The following SNX2 variants were observed in gnomAD, a reference collection of about 807,000 sequenced individuals.
SNX2 encodes sorting nexin 2.
SNX2 carries 25 observed loss-of-function variants against 69.9 expected under a neutral mutation model. That is an observed-to-expected ratio of 0.36 (90% CI 0.26 to 0.50). The LOEUF (loss-of-function observed/expected upper bound fraction) is 0.50. Ranked by LOEUF, SNX2 falls within the 20% of genes least tolerant of loss-of-function variation. The pLI is 0.97. For synonymous variants in SNX2, 229 were observed against 200.4 expected (o/e 1.14, Z -1.20); for missense variants, 551 against 613.3 (o/e 0.90, Z 1.07).
chr5:122,803,465 C>G lies in SNX2; in HGVS notation c.502-7C>G. 1 of 1,603,100 alleles carries G rather than the reference C, an allele frequency of 6.2e-7. No individual in the cohort carries two copies. Among genetic ancestry groups the G allele is most frequent in the African/African-American group, 1.3e-5 (1 of 74,484 alleles). ...CAAAATTTGAAACACCTCTTCTTCA[C>G]TTGTAGACATCTCTTTCCATGTTCA... On this transcript the variant is annotated splice_region_variant and splice_polypyrimidine_tract_variant and intron_variant, in intron 5 of 14. Coordinates refer to ENST00000379516, the MANE Select transcript of SNX2 (RefSeq NM_003100.4).
chr5:122,832,249 T>G lies in SNX2; in HGVS notation c.*2601T>G, dbSNP rs1035021503. 5.3e-5 allele frequency: 8 copies of G among 152,220 alleles called. No individual in the cohort carries two copies. The highest frequency in any genetic ancestry group is 1.0e-4 in the Non-Finnish European group (7 of 68,032). The allele number at this position is 152,220 out of a possible 1,614,324, so 9.4% of individuals were successfully genotyped here. A position where few individuals can be genotyped will look rare whatever the true frequency, so the allele number is the denominator to read the frequency against. The stretch of plus-strand genomic sequence containing the variant: ...TTAGTATGACTTTGGGCATATCACT[T>G]AAATCTCTTATCTATAAAACAAGTA... On this transcript the variant is annotated 3_prime_UTR_variant, in exon 15 of 15. Transcript: ENST00000379516.
intron 12 of SNX2, among the ~76,000 whole-genome samples, chr5:122,826,816 G>T (rs949351454): frequency 1.6e-4 from 24 of 151,826 alleles, no homozygotes; most frequent in Non-Finnish European, 3.5e-4. Context: ...TTTCTGTACT[G>T]AATTTAATAT....
intron 1 of SNX2, among the ~76,000 whole-genome samples, chr5:122,776,918 G>A (rs1263621043): frequency 6.6e-6 from 1 of 152,086 alleles, no homozygotes; most frequent in Non-Finnish European, 1.5e-5. Context: ...CTTGGTTAAC[G>A]CACTGTAAAA....
chr5:122,792,723 A>G (rs1482602015), intron 1 of SNX2, among the ~76,000 whole-genome samples: 2 of 152,308 alleles, frequency 1.3e-5, no homozygotes, highest in East Asian at 3.9e-4. Flanking sequence ...AGATTGGGAG[A>G]CTGAATTATT....
At chr5:122,826,364 A>G (rs1210089125) in intron 12 of SNX2, among the ~76,000 whole-genome samples, 171 bp downstream of exon 12, 1 of 152,062 alleles carries the variant, frequency 6.6e-6, no homozygotes, top group Non-Finnish European at 1.5e-5. Context: ...TAAAATCTCC[A>G]GAGCCCTTCA....
At chr5:122,793,915 C>T (rs1364924323) in intron 1 of SNX2, among the ~76,000 whole-genome samples, 1 of 138,966 alleles carries the variant, frequency 7.2e-6, no homozygotes, top group African/African-American at 2.7e-5. Context: ...TTCTGTCCCC[C>T]CAAAAAAAAA....
chr5:122,817,021 C>G lies in SNX2; in HGVS notation c.905C>G (p.Ser302Trp), dbSNP rs866050848. The G allele has an allele frequency of 6.2e-7, 1 of 1,607,868 alleles. No individual in the cohort carries two copies. Among genetic ancestry groups the G allele is most frequent in the East Asian group, 2.2e-5 (1 of 44,644 alleles). The change falls in exon 9 of 15, where the codon TCG (serine) becomes TGG (tryptophan). Residue 302 changes from serine (S) to tryptophan (W), a missense_variant. Ser to Trp is a radical substitution (Grantham distance 177). Coordinates refer to ENST00000379516, the MANE Select transcript of SNX2 (RefSeq NM_003100.4). ...VNKMTIKMNE[S>W]DAWFEEKQQQ... Reference sequence around the variant, plus strand: ...AAAATGACAATCAAGATGAATGAATCGGATGCAGTAAGAGCTGATTTTTCG... The same window carrying G: ...AAAATGACAATCAAGATGAATGAATGGGATGCAGTAAGAGCTGATTTTTCG...
At chr5:122,801,766 G>T in intron 3 of SNX2, 103 bp from the exon 4 acceptor site, 73 of 635,500 alleles carry the variant, frequency 1.1e-4, no homozygotes, top group East Asian at 1.3e-4. Flanking sequence ...TAAATTATTT[G>T]TTGTGACAGT....
intron 1 of SNX2, chr5:122,775,456 A>C: frequency 5.0e-6 from 6 of 1,189,754 alleles, no homozygotes; most frequent in Non-Finnish European, 5.2e-6. Context: ...CCAGAACCGA[A>C]CCGAGCATTG....
chr5:122,775,704 C>T lies in SNX2; in HGVS notation c.108+493C>T, dbSNP rs1163066194. On this transcript the variant is annotated intron_variant, in intron 1 of 14. Transcript: ENST00000379516. ...ATGGGTGCACTTTCCCAGGAATGGC[C>T]CTTCACGGACTGCTGGTTCCTCTTG... 4.1e-6 allele frequency: 4 copies of T among 985,634 alleles called. No individual in the cohort carries two copies. The African/African-American group carries it at 7.0e-5, about 17-fold the overall frequency. 61.1% of individuals were successfully genotyped at this position (985,634 alleles called of 1,614,324 possible). A position where few individuals can be genotyped will look rare whatever the true frequency, so the allele number is the denominator to read the frequency against.
chr5:122,806,976 C>T (rs1158362537), intron 6 of SNX2, among the ~76,000 whole-genome samples: 2 of 151,896 alleles, frequency 1.3e-5, no homozygotes, highest in Non-Finnish European at 2.9e-5. Flanking sequence ...ATTTACATAC[C>T]ATATAATTCA....
At chr5:122,802,793 C>T (rs891059187) in intron 5 of SNX2, among the ~76,000 whole-genome samples, 1 of 152,100 alleles carries the variant, frequency 6.6e-6, no homozygotes, top group African/African-American at 2.4e-5. Flanking sequence ...GAAAATGGTT[C>T]TGGAGATGAG....
At chr5:122,816,794 A>G (rs1753908597) in intron 8 of SNX2, 121 bp from the exon 9 acceptor site, 1 of 505,798 alleles carries the variant, frequency 2.0e-6, no homozygotes. Context: ...AGAAAATACA[A>G]CCTCTTTTTT....
chr5:122,819,515 G>T (rs1376684103), intron 11 of SNX2, among the ~76,000 whole-genome samples: 2 of 152,162 alleles, frequency 1.3e-5, no homozygotes, highest in Non-Finnish European at 2.9e-5. Flanking sequence ...GATGGGACTA[G>T]ATTAGATCAT....
intron 13 of SNX2, 47 bp from the exon 14 acceptor site, chr5:122,827,528 T>G (rs1234710990): frequency 6.2e-7 from 1 of 1,604,178 alleles, no homozygotes; most frequent in South Asian, 1.1e-5. Flanking sequence ...GTGGTAAAGT[T>G]GAATTTAGCT....
intron 1 of SNX2, among the ~76,000 whole-genome samples, chr5:122,790,603 G>A (rs1753211420): frequency 6.6e-6 from 1 of 152,188 alleles, no homozygotes; most frequent in South Asian, 2.1e-4. Context: ...ATAACCTAAT[G>A]TCAGAAGTGG....
intron 3 of SNX2, 51 bp downstream of exon 3, chr5:122,799,906 C>T: frequency 6.5e-6 from 9 of 1,391,636 alleles, no homozygotes; most frequent in Non-Finnish European, 8.9e-6. Flanking sequence ...CCTTTTTTCC[C>T]CACCCAACAT....
intron 2 of SNX2, among the ~76,000 whole-genome samples, chr5:122,799,291 A>G (rs1183775089): frequency 1.3e-5 from 2 of 152,194 alleles, no homozygotes; most frequent in Non-Finnish European, 2.9e-5. Context: ...TTGTGGACAG[A>G]CTTCCACCAT....
Position 122,788,203 on chromosome 5 carries a change from C to T in SNX2, c.109-7063C>T, listed in dbSNP as rs371535715. ...CTTTCAACACTTTCAGAGTGTTATT[C>T]CACTGTTTTGTAGCCTTTGTGGTTT... is the stretch of plus-strand genomic sequence containing the variant. On this transcript the variant is annotated intron_variant, in intron 1 of 14. Transcript: ENST00000379516. Among the ~76,000 whole-genome samples the T allele has an allele frequency of 1.4e-4, 22 of 152,276 alleles. 1 individual carries two copies. Among genetic ancestry groups the T allele is most frequent in the African/African-American group, 5.1e-4 (21 of 41,556 alleles).
Sources: gnomAD v4.1 joint callset for allele counts (sites outside exome capture counted in the v4.1 genomes callset) on GRCh38, gnomAD v4.1.1 for gene constraint, MANE v1.5 for transcripts, NCBI Gene and HGNC (gene_info 2026-07-23, HGNC 2026-07-21) for gene names.